Variants in MEIOB observed in about 807,000 individuals in gnomAD.
MEIOB encodes meiosis-specific with OB domain-containing protein.
A neutral mutation model predicts 53.1 loss-of-function variants in MEIOB; 50 were observed. The ratio of observed to expected loss-of-function variants is 0.94; its 90% CI spans 0.75 to 1.19. MEIOB has a LOEUF of 1.19. MEIOB is among the 50% of genes most tolerant of loss of function. The pLI is 0.00. For missense variants in MEIOB, 551 were observed against 550.8 expected, an observed-to-expected ratio of 1.00 and a Z score of 0.00; for synonymous variants, 192 against 182.5, an observed-to-expected ratio of 1.05 and a Z score of -0.42.
intron 6 of MEIOB, 58 bp downstream of exon 6, chr16:1,857,677 C>T (rs555214377): frequency 7.3e-7 from 1 of 1,370,114 alleles, no homozygotes; most frequent in South Asian, 1.3e-5. Flanking sequence ...AAACACAGAT[C>T]AAGTGACTGC....
chr16:1,866,327 T>C (rs189859025), intron 2 of MEIOB, among the ~76,000 whole-genome samples: 1 of 152,360 alleles, frequency 6.6e-6, no homozygotes, highest in African/African-American at 2.4e-5. Flanking sequence ...ATCTAAATTC[T>C]AAAGTCCTAG....
At chr16:1,847,587 G>C (rs917173208) in intron 9 of MEIOB, among the ~76,000 whole-genome samples, 6 of 142,754 alleles carry the variant, frequency 4.2e-5, no homozygotes, top group Non-Finnish European at 7.7e-5. Flanking sequence ...CCAAAAAAAA[G>C]AAGAAAAGAG....
At chr16:1,838,154 G>T in intron 12 of MEIOB, 3 of 515,194 alleles carry the variant, frequency 5.8e-6, no homozygotes, top group South Asian at 3.4e-5. Flanking sequence ...ACTCTTCTCT[G>T]GCTAATTGTT....
intron 1 of MEIOB, among the ~76,000 whole-genome samples, chr16:1,869,895 G>A (rs1207959440): frequency 6.7e-5 from 5 of 74,606 alleles, no homozygotes; most frequent in Admixed American, 1.2e-4. Context: ...TTTTTGAGAC[G>A]GAGTCTCGCT....
intron 5 of MEIOB, 29 bp downstream of exon 5, chr16:1,860,374 C>T (rs1345066396): frequency 7.9e-7 from 1 of 1,271,634 alleles, no homozygotes; most frequent in East Asian, 2.5e-5. Context: ...ATCATTCTCG[C>T]ACAATCTCTG....
chr16:1,858,918 C>T (rs576994123), intron 5 of MEIOB, among the ~76,000 whole-genome samples: 5 of 152,304 alleles, frequency 3.3e-5, no homozygotes, highest in Non-Finnish European at 5.9e-5. Context: ...TCCATCACTT[C>T]CATGAATACT....
At chr16:1,841,488 A>T (rs963078797) in intron 11 of MEIOB, among the ~76,000 whole-genome samples, 1 of 151,652 alleles carries the variant, frequency 6.6e-6, no homozygotes, top group Non-Finnish European at 1.5e-5. Context: ...CTTGAAAATA[A>T]TTTTTTTTTA....
chr16:1,862,994 T>C (rs2492879), intron 3 of MEIOB, among the ~76,000 whole-genome samples: 125,440 of 151,910 alleles, frequency 0.83, 51,894 homozygotes, highest in Middle Eastern at 0.9. Context: ...CTTTGGGAGG[T>C]GAGGTAGGAG....
At chr16:1,860,332 T>C in intron 5 of MEIOB, 71 bp downstream of exon 5, 2 of 796,956 alleles carry the variant, frequency 2.5e-6, no homozygotes, top group South Asian at 3.4e-5. Flanking sequence ...TAGTAAGATC[T>C]CTGCTAATCT....
intron 9 of MEIOB, among the ~76,000 whole-genome samples, chr16:1,846,114 T>A (rs1033912620): frequency 6.6e-6 from 1 of 152,206 alleles, no homozygotes; most frequent in Non-Finnish European, 1.5e-5. Context: ...ATTATCTCAA[T>A]TCTTGGCAAG....
chr16:1,852,562 GT>G (rs796889434), intron 9 of MEIOB, among the ~76,000 whole-genome samples: 4 of 142,766 alleles, frequency 2.8e-5, no homozygotes, highest in African/African-American at 5.1e-5. Flanking sequence ...CGCCAGCCTT[GT>G]TTTTTTTTTA....
chr16:1,868,919 T>A (rs2150826432), intron 1 of MEIOB, among the ~76,000 whole-genome samples: 1 of 152,216 alleles, frequency 6.6e-6, no homozygotes. Flanking sequence ...TTTACTGCTT[T>A]GGAAAATTTT....
At chr16:1,862,358 C>T (rs1225029198) in intron 3 of MEIOB, among the ~76,000 whole-genome samples, 1 of 152,178 alleles carries the variant, frequency 6.6e-6, no homozygotes, top group African/African-American at 2.4e-5. Flanking sequence ...AGGTTGCCCC[C>T]TTGCTCCCTT....
intron 5 of MEIOB, among the ~76,000 whole-genome samples, chr16:1,860,122 A>C (rs1418153613): frequency 6.6e-6 from 1 of 152,210 alleles, no homozygotes; most frequent in Non-Finnish European, 1.5e-5. Flanking sequence ...GTAATTTCCA[A>C]AGTTTATCTT....
At position 1,857,847 on chromosome 16, in the gene MEIOB, A is replaced by T; in HGVS notation, c.416T>A (p.Leu139Ter). Residue 139 changes from leucine (L) to a stop codon, truncating the protein, a stop_gained, in exon 6 of 14, where the codon TTG (leucine) becomes TAG (stop). Transcript: ENST00000325962. LOFTEE classifies it high-confidence loss of function. ...SYEVDTKLLS[L>*]IHLPVKESHD... ...AGACTCTTTAACAGGTAAATGTATC[A>T]AAGAAAGTAACTTTGTGTCCACTTC... 6.4e-7 allele frequency: 1 copy of T among 1,551,454 alleles called. No individual in the cohort carries two copies. Among genetic ancestry groups the T allele is most frequent in the Non-Finnish European group, 8.7e-7 (1 of 1,146,666 alleles).
Position 1,860,439 on chromosome 16 carries a change from AT to A in MEIOB, c.295del (p.Ile99Ter). ...IENPLIQRKEIEREEKFSPAT... is the reference protein window; with the variant it reads ...IENPLIQRKEXEREEKFSPAT... The stretch of plus-strand genomic sequence containing the variant: ...AGGGCTGAATTTTTCTTCTCTTTCT[AT>A]TTCCTTTCTTTGGATCAGAGGATTT... On this transcript the variant is annotated frameshift_variant, in exon 5 of 14. Transcript: ENST00000325962. LOFTEE classifies it high-confidence loss of function. 6.5e-7 allele frequency: 1 copy of A among 1,547,578 alleles called. No individual in the cohort carries two copies. The highest frequency in any genetic ancestry group is 8.7e-7 in the Non-Finnish European group (1 of 1,143,592).
chr16:1,865,768 A>C lies in MEIOB; in HGVS notation c.127+10T>G. 1 of 1,543,396 alleles carries C rather than the reference A, an allele frequency of 6.5e-7. No homozygotes were observed. Among genetic ancestry groups the C allele is most frequent in the Non-Finnish European group, 8.7e-7 (1 of 1,142,900 alleles). On this transcript the variant is annotated intron_variant, in intron 3 of 13. Transcript: ENST00000325962. Reference sequence around the variant, plus strand: ...TGAAAAATGAAACCAAGAGTTAAACAGAACTCAGCTTTTTCTGTCTGGAAA... The same window carrying C: ...TGAAAAATGAAACCAAGAGTTAAACCGAACTCAGCTTTTTCTGTCTGGAAA...
At chr16:1,851,644 T>C (rs1249784382) in intron 9 of MEIOB, among the ~76,000 whole-genome samples, 1 of 150,460 alleles carries the variant, frequency 6.6e-6, no homozygotes, top group Non-Finnish European at 1.5e-5. Flanking sequence ...ATCCATGTGT[T>C]GGATGTGCAA....
intron 13 of MEIOB, among the ~76,000 whole-genome samples, chr16:1,836,530 G>A (rs1898753808): frequency 6.8e-6 from 1 of 147,242 alleles, no homozygotes; most frequent in Non-Finnish European, 1.5e-5. Flanking sequence ...CTGTTGAAGA[G>A]ATGCAGCATC....
Sources: allele counts gnomAD v4.1 joint callset (sites outside exome capture counted in the v4.1 genomes callset), GRCh38; gene constraint gnomAD v4.1.1; transcripts MANE v1.5; gene names NCBI Gene and HGNC (gene_info 2026-07-23, HGNC 2026-07-21).